Variants in SLC44A1 observed in about 807,000 individuals in gnomAD.
SLC44A1 encodes solute carrier family 44 member 1.
In SLC44A1, 26 loss-of-function variants were observed where a neutral mutation model predicts 79.3. That is an observed-to-expected ratio of 0.33 (90% CI 0.24 to 0.46). SLC44A1 has a LOEUF of 0.46. Among genes scored for constraint, SLC44A1 ranks in the 20% least tolerant of loss-of-function variants. SLC44A1 has a pLI of 1.00. For synonymous variants in SLC44A1, 263 were observed against 286.2 expected (o/e 0.92, Z 0.82); for missense variants, 688 against 798.1 (o/e 0.86, Z 1.66).
intron 5 of SLC44A1, among the ~76,000 whole-genome samples, chr9:105,354,536 C>T (rs1046166708): frequency 3.9e-5 from 6 of 152,154 alleles, no homozygotes; most frequent in African/African-American, 1.4e-4. Flanking sequence ...GATACAATAT[C>T]AAACCTTTGG....
chr9:105,396,833 A>G lies in SLC44A1; in HGVS notation c.*7777A>G. On this transcript the variant is annotated 3_prime_UTR_variant, in exon 16 of 16. Coordinates refer to ENST00000374720, the MANE Select transcript of SLC44A1 (RefSeq NM_080546.5). ...GAGGATCACAGTTAAGCCTTCCATG[A>G]ATTCATAGTTTGGAATCATTTACCT... 2 of 984,794 alleles carry G rather than the reference A, an allele frequency of 2.0e-6. No homozygotes were observed. The highest frequency in any genetic ancestry group is 1.2e-6 in the Non-Finnish European group (1 of 829,564). 61.0% of individuals were successfully genotyped at this position (984,794 alleles called of 1,614,324 possible).
At chr9:105,320,066 A>G (rs1826338328) in intron 3 of SLC44A1, among the ~76,000 whole-genome samples, 1 of 152,112 alleles carries the variant, frequency 6.6e-6, no homozygotes, top group Non-Finnish European at 1.5e-5. Flanking sequence ...TTTTCGTAGT[A>G]TAGTTTTGTT....
chr9:105,298,993 C>T (rs978810434), intron 1 of SLC44A1, among the ~76,000 whole-genome samples: 6 of 152,016 alleles, frequency 3.9e-5, no homozygotes, highest in East Asian at 1.9e-4. Flanking sequence ...AACTCAGTAC[C>T]GGGCCTGGCC....
chr9:105,270,749 C>G lies in SLC44A1; in HGVS notation c.36+25845C>G, dbSNP rs376323424. The stretch of plus-strand genomic sequence containing the variant: ...AATCATTATCTATTTTTTGTATTGG[C>G]TTTCTCCCACCATAAGCACTGGGAT... On this transcript the variant is annotated intron_variant, in intron 1 of 15. Coordinates refer to ENST00000374720, the MANE Select transcript of SLC44A1 (RefSeq NM_080546.5). 2.7e-4 allele frequency among the ~76,000 whole-genome samples: 41 copies of G among 152,230 alleles called. 1 individual carries two copies. In the East Asian group the frequency reaches 4.8e-3, roughly 18 times the overall value.
At chr9:105,288,892 G>A (rs1830537484) in intron 1 of SLC44A1, among the ~76,000 whole-genome samples, 1 of 152,194 alleles carries the variant, frequency 6.6e-6, no homozygotes, top group African/African-American at 2.4e-5. Context: ...GACCAAATAT[G>A]TTTTGGAGAA....
At chr9:105,325,594 C>T (rs928106177) in intron 3 of SLC44A1, among the ~76,000 whole-genome samples, 11 of 152,134 alleles carry the variant, frequency 7.2e-5, no homozygotes, top group African/African-American at 2.7e-4. Context: ...CATCTCTCTT[C>T]TTACAAAGCC....
At chr9:105,335,111 T>C (rs1443043861) in intron 3 of SLC44A1, among the ~76,000 whole-genome samples, 2 of 152,120 alleles carry the variant, frequency 1.3e-5, no homozygotes, top group East Asian at 3.8e-4. Context: ...TTTGGAATTA[T>C]ATAATTCTGT....
In SLC44A1 at chr9:105,392,327, G is replaced by A; in HGVS notation, c.*3271G>A. ...AACTTTTTCTATAATGGTTAAGGAGGAGGCACTTACTGAGTTTATTTTAAA... is the reference window on the plus strand; with the variant it reads ...AACTTTTTCTATAATGGTTAAGGAGAAGGCACTTACTGAGTTTATTTTAAA... On this transcript the variant is annotated 3_prime_UTR_variant, in exon 16 of 16. Coordinates refer to ENST00000374720, the MANE Select transcript of SLC44A1 (RefSeq NM_080546.5). 1 of 984,276 alleles carries A rather than the reference G, an allele frequency of 1.0e-6. No individual in the cohort carries two copies. The highest frequency in any genetic ancestry group is 1.2e-6 in the Non-Finnish European group (1 of 829,556). 61.0% of individuals were successfully genotyped at this position (984,276 alleles called of 1,614,324 possible).
At chr9:105,365,747 A>T in intron 11 of SLC44A1, 108 bp downstream of exon 11, 1 of 1,150,546 alleles carries the variant, frequency 8.7e-7, no homozygotes, top group South Asian at 1.5e-5. Context: ...GTTTTCTTCA[A>T]AGTCTTTACA....
At chr9:105,293,402 G>T (rs2131276251) in intron 1 of SLC44A1, among the ~76,000 whole-genome samples, 1 of 152,288 alleles carries the variant, frequency 6.6e-6, no homozygotes, top group East Asian at 1.9e-4. Flanking sequence ...TTCAGTCTTT[G>T]CCTTTAGATA....
chr9:105,358,804 C>G (rs902803093), intron 7 of SLC44A1, among the ~76,000 whole-genome samples: 11 of 152,084 alleles, frequency 7.2e-5, no homozygotes, highest in Non-Finnish European at 1.6e-4. Flanking sequence ...CTTGTTTTCT[C>G]TCTTTGCTAC....
chr9:105,426,341 C>G (rs1484255011), intron 15 of SLC44A1, among the ~76,000 whole-genome samples: 1 of 152,194 alleles, frequency 6.6e-6, no homozygotes, highest in African/African-American at 2.4e-5. Context: ...TTTACATTGA[C>G]ATTTACATTC....
rs553742715 is a variant in SLC44A1, at chr9:105,396,342, G to A, written c.*7286G>A. ...CAGGAGAAAAAAACTTTAACAAAAA[G>A]GCAGGGAGAAAAGTGTGAAGGGCAT... On this transcript the variant is annotated 3_prime_UTR_variant, in exon 16 of 16. Coordinates refer to ENST00000374720, the MANE Select transcript of SLC44A1 (RefSeq NM_080546.5). 18 of 985,368 alleles carry A rather than the reference G, an allele frequency of 1.8e-5. No homozygotes were observed. The highest frequency in any genetic ancestry group is 8.7e-5 in the African/African-American group (5 of 57,328). The allele number at this position is 985,368 out of a possible 1,614,324, so 61.0% of individuals were successfully genotyped here. A position where few individuals can be genotyped will look rare whatever the true frequency, so the allele number is the denominator to read the frequency against.
Position 105,389,759 on chromosome 9 carries a change from TC to T in SLC44A1, c.*704del. The T allele has an allele frequency of 7.7e-7, 1 of 1,304,520 alleles. No homozygotes were observed. The highest frequency in any genetic ancestry group is 9.8e-7 in the Non-Finnish European group (1 of 1,021,454). 80.8% of individuals were successfully genotyped at this position (1,304,520 alleles called of 1,614,324 possible). A position where few individuals can be genotyped will look rare whatever the true frequency, so the allele number is the denominator to read the frequency against. On this transcript the variant is annotated 3_prime_UTR_variant, in exon 16 of 16. Coordinates refer to ENST00000374720, the MANE Select transcript of SLC44A1 (RefSeq NM_080546.5). ...AAAAAAGAAAAGGGTAGATAATCTT[TC>T]GTATGCAAACTTTTCCCTTATATTT... is the stretch of plus-strand genomic sequence containing the variant.
At chr9:105,405,843 A>G (rs1042142859) in intron 15 of SLC44A1, among the ~76,000 whole-genome samples, 3 of 152,164 alleles carry the variant, frequency 2.0e-5, no homozygotes, top group African/African-American at 4.8e-5. Flanking sequence ...AGATGCGGCA[A>G]ACGGCAGACA....
chr9:105,403,788 G>A (rs190712812), intron 15 of SLC44A1, among the ~76,000 whole-genome samples: 9 of 151,168 alleles, frequency 6.0e-5, no homozygotes, highest in Non-Finnish European at 1.0e-4. Context: ...GAGGAATAGC[G>A]TGTGTGAAGA....
chr9:105,303,787 C>G (rs1405509021), intron 2 of SLC44A1, among the ~76,000 whole-genome samples: 1 of 152,192 alleles, frequency 6.6e-6, no homozygotes, highest in Non-Finnish European at 1.5e-5. Context: ...CCTGTAGGAC[C>G]AGTAACCTTG....
intron 13 of SLC44A1, among the ~76,000 whole-genome samples, chr9:105,377,026 T>A (rs912819234): frequency 2.3e-4 from 35 of 152,314 alleles, no homozygotes; most frequent in Admixed American, 2.2e-3. Context: ...TTTTTAAAAA[T>A]TTTTTTAAAA....
chr9:105,327,720 A>T (rs1162247568), intron 3 of SLC44A1, among the ~76,000 whole-genome samples: 1 of 151,834 alleles, frequency 6.6e-6, no homozygotes, highest in Non-Finnish European at 1.5e-5. Context: ...ACCCCCTTTC[A>T]TCCACACTGG....
Sources: gnomAD v4.1 joint callset for allele counts (sites outside exome capture counted in the v4.1 genomes callset) on GRCh38, gnomAD v4.1.1 for gene constraint, MANE v1.5 for transcripts, NCBI Gene and HGNC (gene_info 2026-07-23, HGNC 2026-07-21) for gene names.